The following SLC9A9 variants were observed in gnomAD, a reference collection of about 807,000 sequenced individuals.
SLC9A9 encodes solute carrier family 9 member A9, also known as sodium/hydrogen exchanger 9.
In SLC9A9, 62 loss-of-function variants were observed where a neutral mutation model predicts 77.8. The observed-to-expected ratio is 0.80, with a 90% CI of 0.65 to 0.98. SLC9A9 has a LOEUF of 0.98. SLC9A9 is among the 50% of genes least tolerant of loss of function. SLC9A9 has a pLI of 0.00. For missense variants in SLC9A9, 775 were observed against 774.9 expected (o/e 1.00, Z 0.00); for synonymous variants, 320 against 283.5 (o/e 1.13, Z -1.29).
intron 11 of SLC9A9, among the ~76,000 whole-genome samples, chr3:143,468,838 A>AATTAAATATATTTAATATGC (rs2035329261): frequency 6.6e-6 from 1 of 152,188 alleles, no homozygotes; most frequent in Non-Finnish European, 1.5e-5. Flanking sequence ...CATTTTTATG[A>AATTAAATATATTTAATATGC]ATCCATATTA....
chr3:143,840,194 G>T (rs535928075), intron 1 of SLC9A9, among the ~76,000 whole-genome samples: 2 of 152,284 alleles, frequency 1.3e-5, no homozygotes, highest in East Asian at 1.9e-4. Context: ...GCTGCTGATG[G>T]TGCTGGTCAG....
intron 12 of SLC9A9, among the ~76,000 whole-genome samples, chr3:143,396,034 A>T (rs543810808): frequency 9.4e-4 from 143 of 152,342 alleles, no homozygotes; most frequent in African/African-American, 3.1e-3. Flanking sequence ...TGTGGAAGTC[A>T]GTGTGGCGAT....
intron 4 of SLC9A9, among the ~76,000 whole-genome samples, chr3:143,778,094 C>T (rs1421573845): frequency 7.2e-6 from 1 of 139,062 alleles, no homozygotes; most frequent in Non-Finnish European, 1.5e-5. Flanking sequence ...GGATATAAAT[C>T]CAAATCTTTT....
chr3:143,786,150 C>T (rs962955024), intron 4 of SLC9A9, among the ~76,000 whole-genome samples: 8 of 152,100 alleles, frequency 5.3e-5, no homozygotes, highest in African/African-American at 2.4e-5. Flanking sequence ...CCACCGCGCC[C>T]GGCCAACTTG....
chr3:143,383,665 T>TG (rs1397196928), intron 12 of SLC9A9, among the ~76,000 whole-genome samples: 2 of 152,230 alleles, frequency 1.3e-5, no homozygotes, highest in African/African-American at 4.8e-5. Flanking sequence ...AGAGTCCCTC[T>TG]GCCTGCTTCA....
intron 2 of SLC9A9, among the ~76,000 whole-genome samples, chr3:143,811,525 T>C (rs2008863791): frequency 6.6e-6 from 1 of 152,144 alleles, no homozygotes. Flanking sequence ...TAAAGGGTTC[T>C]GCTTGGTACC....
chr3:143,316,496 C>T (rs530945660), intron 14 of SLC9A9, among the ~76,000 whole-genome samples: 1 of 152,300 alleles, frequency 6.6e-6, no homozygotes, highest in East Asian at 1.9e-4. Context: ...TATTGTGGTG[C>T]TTCCCAGAAG....
intron 9 of SLC9A9, among the ~76,000 whole-genome samples, chr3:143,523,811 T>G (rs1002525958): frequency 1.3e-5 from 2 of 152,208 alleles, no homozygotes; most frequent in Non-Finnish European, 2.9e-5. Context: ...GAATATTCTC[T>G]ATACCTAAGG....
chr3:143,834,042 T>C (rs1421274319), intron 1 of SLC9A9, among the ~76,000 whole-genome samples: 1 of 152,160 alleles, frequency 6.6e-6, no homozygotes, highest in Admixed American at 6.5e-5. Context: ...AATCATGCTT[T>C]CATGTGAGAA....
rs1040234162 is a variant in SLC9A9, at chr3:143,266,017, T to G, written c.*685A>C. 6 of 701,402 alleles carry G rather than the reference T, an allele frequency of 8.6e-6. No homozygotes were observed. The African/African-American group carries it at 1.0e-4, about 12-fold the overall frequency. 43.4% of individuals were successfully genotyped at this position (701,402 alleles called of 1,614,324 possible). A position where few individuals can be genotyped will look rare whatever the true frequency, so the allele number is the denominator to read the frequency against. ...TTTTCTTGGAATGGTCCTACTAAGC[T>G]TGAAAGTGGTGCTGCATTTAGGGCA... On this transcript the variant is annotated 3_prime_UTR_variant, in exon 16 of 16. Coordinates refer to ENST00000316549, the MANE Select transcript of SLC9A9 (RefSeq NM_173653.4).
chr3:143,374,963 C>G (rs1000712214), intron 13 of SLC9A9, among the ~76,000 whole-genome samples: 1 of 152,148 alleles, frequency 6.6e-6, no homozygotes, highest in East Asian at 1.9e-4. Flanking sequence ...TTCTAACCAT[C>G]CTTCTACTCT....
At chr3:143,393,402 T>C (rs1040894544) in intron 12 of SLC9A9, among the ~76,000 whole-genome samples, 3 of 152,026 alleles carry the variant, frequency 2.0e-5, no homozygotes, top group Non-Finnish European at 2.9e-5. Context: ...TTGAAACCAA[T>C]GAGAACAAAG....
At chr3:143,344,667 T>C (rs982731694) in intron 14 of SLC9A9, 1 of 152,230 alleles carries the variant, frequency 6.6e-6, no homozygotes, top group East Asian at 1.9e-4. Context: ...GTCTCAGCTG[T>C]GTGTAGTTTA....
At chr3:143,776,355 G>T (rs988824932) in intron 4 of SLC9A9, among the ~76,000 whole-genome samples, 3 of 152,078 alleles carry the variant, frequency 2.0e-5, no homozygotes, top group Non-Finnish European at 4.4e-5. Flanking sequence ...ATCTTATTAA[G>T]GGCATTTACC....
chr3:143,739,055 T>C (rs911834480), intron 4 of SLC9A9, among the ~76,000 whole-genome samples: 2 of 152,124 alleles, frequency 1.3e-5, no homozygotes, highest in African/African-American at 4.8e-5. Context: ...CCAGCCTGTC[T>C]CTCTCCCCTC....
chr3:143,635,644 G>C (rs1269226818), intron 6 of SLC9A9, among the ~76,000 whole-genome samples: 1 of 152,176 alleles, frequency 6.6e-6, no homozygotes, highest in Admixed American at 6.5e-5. Context: ...GAATGTGTCA[G>C]CATGATTTCT....
intron 13 of SLC9A9, among the ~76,000 whole-genome samples, chr3:143,375,036 CAAAA>C (rs1455023762): frequency 1.3e-5 from 2 of 151,900 alleles, no homozygotes; most frequent in African/African-American, 4.8e-5. Context: ...AATAAGTAGA[CAAAA>C]AAACAAGTTG....
chr3:143,730,061 A>G (rs1934761021), intron 4 of SLC9A9, among the ~76,000 whole-genome samples: 1 of 152,230 alleles, frequency 6.6e-6, no homozygotes. Context: ...CACAAATAGC[A>G]GGTAGTTGTT....
intron 14 of SLC9A9, among the ~76,000 whole-genome samples, chr3:143,338,837 C>A (rs2032006198): frequency 6.6e-6 from 1 of 152,126 alleles, no homozygotes; most frequent in African/African-American, 2.4e-5. Context: ...AGGTTACTTG[C>A]CCAAGTCACT....
Sources: allele counts gnomAD v4.1 joint callset (sites outside exome capture counted in the v4.1 genomes callset), GRCh38; gene constraint gnomAD v4.1.1; transcripts MANE v1.5; gene names NCBI Gene and HGNC (gene_info 2026-07-23, HGNC 2026-07-21).